Variants in RIMS2 observed in about 807,000 individuals in gnomAD.
RIMS2 encodes regulating synaptic membrane exocytosis 2.
Under a neutral mutation model 174.4 loss-of-function variants are expected in RIMS2, and 59 were observed. The ratio of observed to expected loss-of-function variants is 0.34; its 90% CI spans 0.27 to 0.42. RIMS2 has a LOEUF of 0.42. Ranked by LOEUF, RIMS2 falls within the 10% of genes least tolerant of loss-of-function variation. RIMS2 has a pLI of 1.00. For missense variants in RIMS2, 1,620 were observed against 1,666.3 expected, an observed-to-expected ratio of 0.97 and a Z score of 0.48; for synonymous variants, 606 against 572.5, an observed-to-expected ratio of 1.06 and a Z score of -0.84.
At chr8:103,916,537 G>A (rs1175956367) in exon 8 of RIMS2, 11 of 1,602,174 alleles carry the variant, frequency 6.9e-6, no homozygotes, top group Non-Finnish European at 9.4e-6. Flanking sequence ...AGGCCTATTG[G>A]GTAAGTTGGT....
chr8:103,654,974 C>T (rs1010020344), intron 1 of RIMS2, among the ~76,000 whole-genome samples: 5 of 151,606 alleles, frequency 3.3e-5, no homozygotes, highest in Non-Finnish European at 7.4e-5. Flanking sequence ...TTCCATTTTG[C>T]GGTTGTTGAA....
intron 1 of RIMS2, among the ~76,000 whole-genome samples, chr8:103,607,550 C>T (rs148167765): frequency 0.12 from 17,701 of 148,304 alleles, 1,219 homozygotes; most frequent in Middle Eastern, 0.21. Flanking sequence ...GTTGGCCTGC[C>T]TTGCTAGATC....
Position 104,219,969 on chromosome 8 carries a change from AT to A in RIMS2, c.3335-24945del, listed in dbSNP as rs2099147862. ...GAATTAAGGAATAATAAATCAACTTATTAATATACATAAACCAGAAATATTA... is the reference window on the plus strand; with the variant it reads ...GAATTAAGGAATAATAAATCAACTTATAATATACATAAACCAGAAATATTA... On this transcript the variant is annotated intron_variant, in intron 19 of 23. Transcript: ENST00000504942. Among the ~76,000 whole-genome samples the A allele has an allele frequency of 2.0e-5, 3 of 152,194 alleles. No individual in the cohort carries two copies. In the South Asian group the frequency reaches 6.2e-4, roughly 31 times the overall value.
intron 16 of RIMS2, among the ~76,000 whole-genome samples, chr8:103,987,302 G>T (rs558035734): frequency 6.6e-6 from 1 of 151,904 alleles, no homozygotes; most frequent in Admixed American, 6.6e-5. Context: ...AGTTACAAAC[G>T]TATGTAAAAA....
chr8:104,189,714 A>C (rs1338311993), intron 19 of RIMS2, among the ~76,000 whole-genome samples: 4 of 151,398 alleles, frequency 2.6e-5, no homozygotes, highest in Non-Finnish European at 5.9e-5. Context: ...TTTCCACAAA[A>C]TGCAGAATAA....
In RIMS2 at chr8:103,561,882, G is replaced by A. The variant is rs1279266067; in HGVS notation, c.176+60820G>A. 2.0e-5 allele frequency among the ~76,000 whole-genome samples: 3 copies of A among 152,188 alleles called. No individual in the cohort carries two copies. In the East Asian group the frequency reaches 5.8e-4, roughly 29 times the overall value. ...ATGGCTGGTGAGGCCTCACAATCAT[G>A]GCGGAAGGCAAGGAGGAGCAAGTTA... is the stretch of plus-strand genomic sequence containing the variant. On this transcript the variant is annotated intron_variant, in intron 1 of 23. Coordinates refer to ENST00000504942, the Ensembl canonical transcript of RIMS2.
intron 9 of RIMS2, chr8:103,918,719 C>A (rs987190393): frequency 2.1e-6 from 1 of 479,272 alleles, no homozygotes; most frequent in African/African-American, 1.9e-5. Flanking sequence ...TTTTAGATAG[C>A]ATTATTAAGG....
chr8:103,639,907 G>C (rs1199789280), intron 1 of RIMS2, among the ~76,000 whole-genome samples: 4 of 151,884 alleles, frequency 2.6e-5, no homozygotes, highest in African/African-American at 9.7e-5. Flanking sequence ...GGATTGCCAT[G>C]TTTCTATAGA....
At chr8:104,253,498 A>G (rs991229053), downstream of RIMS2, 2 of 152,210 alleles carry the variant, frequency 1.3e-5, no homozygotes, top group Non-Finnish European at 2.9e-5. Context: ...AAAGAAAGTC[A>G]TTATGCCTAT....
intron 19 of RIMS2, among the ~76,000 whole-genome samples, chr8:104,229,632 C>T (rs1323217841): frequency 6.6e-6 from 1 of 152,098 alleles, no homozygotes; most frequent in Non-Finnish European, 1.5e-5. Flanking sequence ...CTGCTTTTTT[C>T]TTTCTCGGCA....
intron 1 of RIMS2, among the ~76,000 whole-genome samples, chr8:103,528,852 T>G (rs1835439794): frequency 6.6e-6 from 1 of 152,218 alleles, no homozygotes; most frequent in Non-Finnish European, 1.5e-5. Context: ...TTCTTTTGGC[T>G]TAGGATTGAC....
At chr8:104,066,471 C>A (rs1329341297) in intron 19 of RIMS2, among the ~76,000 whole-genome samples, 1 of 151,986 alleles carries the variant, frequency 6.6e-6, no homozygotes, top group African/African-American at 2.4e-5. Context: ...AGAAACTTTC[C>A]AAACACACCT....
chr8:103,821,105 A>G (rs2098749197), intron 3 of RIMS2, among the ~76,000 whole-genome samples: 1 of 151,550 alleles, frequency 6.6e-6, no homozygotes, highest in African/African-American at 2.4e-5. Context: ...AAATTATGCT[A>G]TTAACAGCAT....
At chr8:103,581,448 C>A (rs1036443364) in intron 1 of RIMS2, among the ~76,000 whole-genome samples, 6 of 152,128 alleles carry the variant, frequency 3.9e-5, no homozygotes, top group Non-Finnish European at 7.4e-5. Context: ...AGACCCTCAA[C>A]ACACTGAATG....
At chr8:103,554,181 A>C (rs1401813879) in intron 1 of RIMS2, among the ~76,000 whole-genome samples, 3 of 152,176 alleles carry the variant, frequency 2.0e-5, no homozygotes, top group African/African-American at 7.2e-5. Context: ...ATTGCAAAAA[A>C]AATGCACCTT....
At chr8:103,950,307 A>T (rs748056462) in intron 14 of RIMS2, among the ~76,000 whole-genome samples, 57 of 152,300 alleles carry the variant, frequency 3.7e-4, no homozygotes, top group Non-Finnish European at 7.4e-4. Context: ...AACAACTAAC[A>T]TATTAAAAGA....
intron 2 of RIMS2, among the ~76,000 whole-genome samples, chr8:103,742,282 A>G (rs1486916819): frequency 1.3e-5 from 2 of 152,108 alleles, no homozygotes; most frequent in Non-Finnish European, 2.9e-5. Context: ...GAGTATTTAC[A>G]GTTTTGAATT....
chr8:104,135,858 A>G (rs1329460713), intron 19 of RIMS2, among the ~76,000 whole-genome samples: 2 of 152,156 alleles, frequency 1.3e-5, no homozygotes, highest in Non-Finnish European at 2.9e-5. Context: ...GGTTCTCAAA[A>G]TGTTGAAGAA....
intron 19 of RIMS2, among the ~76,000 whole-genome samples, chr8:104,152,144 T>G (rs2098693748): frequency 6.6e-6 from 1 of 152,262 alleles, no homozygotes; most frequent in African/African-American, 2.4e-5. Context: ...TAGTTATAGG[T>G]TTTTGTCTCA....
Sources: allele counts gnomAD v4.1 joint callset (sites outside exome capture counted in the v4.1 genomes callset), GRCh38; gene constraint gnomAD v4.1.1; transcripts MANE v1.5; gene names NCBI Gene and HGNC (gene_info 2026-07-23, HGNC 2026-07-21).